The following PCDHGA9 variants were observed in gnomAD, a reference collection of about 807,000 sequenced individuals.
The protein encoded by PCDHGA9 is protocadherin gamma subfamily A, 9.
Under a neutral mutation model 62.5 loss-of-function variants are expected in PCDHGA9, and 37 were observed. The ratio of observed to expected loss-of-function variants is 0.59; its 90% CI spans 0.46 to 0.78. The LOEUF (loss-of-function observed/expected upper bound fraction) is 0.78, where lower values mean the gene tolerates loss of function less well. Among genes scored for constraint, PCDHGA9 ranks in the 30% least tolerant of loss-of-function variants. The pLI, the probability that PCDHGA9 is intolerant of heterozygous loss-of-function variation, is 0.00. For synonymous variants in PCDHGA9, 459 were observed against 484.6 expected, an observed-to-expected ratio of 0.95 and a Z score of 0.69; for missense variants, 1,138 against 1,166.2, an observed-to-expected ratio of 0.98 and a Z score of 0.35.
intron 1 of PCDHGA9, chr5:141,479,339 G>GTA (rs1298553162): frequency 1.3e-5 from 2 of 152,644 alleles, no homozygotes; most frequent in East Asian, 3.8e-4. Context: ...GTGTGCACCT[G>GTA]TAGTTCTTGC....
chr5:141,423,765 G>A (rs775053869), intron 1 of PCDHGA9: 11 of 233,406 alleles, frequency 4.7e-5, no homozygotes, highest in Admixed American at 1.2e-4. Context: ...GGGGGGTGGG[G>A]CGGCATATAT....
intron 1 of PCDHGA9, chr5:141,410,800 T>A: frequency 1.5e-6 from 1 of 678,550 alleles, no homozygotes; most frequent in Non-Finnish European, 2.2e-6. Context: ...TAAGTTGCTC[T>A]ATCTTTTTGT....
At chr5:141,461,354 C>T (rs1189322704) in intron 1 of PCDHGA9, among the ~76,000 whole-genome samples, 2 of 152,054 alleles carry the variant, frequency 1.3e-5, no homozygotes, top group Non-Finnish European at 2.9e-5. Context: ...GGTGGTAGCT[C>T]GTTGTGGTTT....
intron 2 of PCDHGA9, among the ~76,000 whole-genome samples, chr5:141,497,553 T>G (rs2099777684): frequency 6.6e-6 from 1 of 151,326 alleles, no homozygotes; most frequent in Non-Finnish European, 1.5e-5. Flanking sequence ...TTTTTTTTTT[T>G]TTTTTAGACA....
At chr5:141,426,919 C>T (rs1220443930) in intron 1 of PCDHGA9, 1 of 456,620 alleles carries the variant, frequency 2.2e-6, no homozygotes, top group African/African-American at 2.0e-5. Flanking sequence ...GTCCTGGAAG[C>T]AATGGACATG....
intron 1 of PCDHGA9, among the ~76,000 whole-genome samples, chr5:141,425,003 T>C (rs75915888): frequency 0.036 from 5,431 of 152,274 alleles, 181 homozygotes; most frequent in African/African-American, 0.084. Context: ...AGTTTAGTTT[T>C]CTCATTTAGG....
intron 1 of PCDHGA9, among the ~76,000 whole-genome samples, chr5:141,438,587 CATACATATAT>C (rs1422309749): frequency 6.8e-5 from 5 of 73,430 alleles, no homozygotes; most frequent in South Asian, 5.1e-4. Context: ...TACATACATA[CATACATATAT>C]ATATATATAT....
chr5:141,509,882 G>A (rs1374735632), intron 3 of PCDHGA9, among the ~76,000 whole-genome samples: 1 of 152,182 alleles, frequency 6.6e-6, no homozygotes. Context: ...GGTGGTGATG[G>A]TGACTGACTG....
rs747917835 is a variant in PCDHGA9 at position 141,487,659 on chromosome 5, AT to A, written c.2425-7147del. 3.7e-6 allele frequency: 6 copies of A among 1,613,466 alleles called. No homozygotes were observed. Among genetic ancestry groups the A allele is most frequent in the Non-Finnish European group, 5.1e-6 (6 of 1,179,716 alleles). On this transcript the variant is annotated intron_variant, in intron 1 of 3. Coordinates refer to ENST00000573521, the MANE Select transcript of PCDHGA9 (RefSeq NM_018921.3). This position sits in a 1 kb window ranked among gnomAD's most constrained non-coding sequence, Gnocchi z 5.0. ...CAACAAATGCTTGAGGGTTATTCTGATCCAGGCATATGGCTAGGCCATGTCC... is the reference window on the plus strand; with the variant it reads ...CAACAAATGCTTGAGGGTTATTCTGACCAGGCATATGGCTAGGCCATGTCC...
intron 1 of PCDHGA9, chr5:141,428,311 G>A: frequency 3.0e-6 from 2 of 671,726 alleles, no homozygotes; most frequent in Non-Finnish European, 5.3e-6. Context: ...CCTGGTCGTG[G>A]CCTTGGCCTT....
In PCDHGA9 at chr5:141,492,559, C is replaced by A. The variant is rs533830391; in HGVS notation, c.2425-2248C>A. ...GGGCTGGGCCGGGTCGCCTGGGGGG[C>A]GGCCTGAGCGAGGCGCGGGGCCAGG... On this transcript the variant is annotated intron_variant, in intron 1 of 3. Coordinates refer to ENST00000573521, the MANE Select transcript of PCDHGA9 (RefSeq NM_018921.3). 2.6e-5 allele frequency among the ~76,000 whole-genome samples: 4 copies of A among 152,292 alleles called. No individual in the cohort carries two copies. The East Asian group carries it at 7.7e-4, about 29-fold the overall frequency.
At chr5:141,456,215 C>T (rs1465130067) in intron 1 of PCDHGA9, among the ~76,000 whole-genome samples, 2 of 152,048 alleles carry the variant, frequency 1.3e-5, no homozygotes, top group African/African-American at 2.4e-5. Flanking sequence ...CTCCCTGTGG[C>T]GATATCAAAC....
Position 141,404,273 on chromosome 5 carries a change from C to A in PCDHGA9, c.1321C>A (p.Gln441Lys), listed in dbSNP as rs751189949. 4.3e-6 allele frequency: 7 copies of A among 1,613,988 alleles called. No homozygotes were observed. The highest frequency in any genetic ancestry group is 5.9e-6 in the Non-Finnish European group (7 of 1,179,880). Residue 441 changes from glutamine (Q) to lysine (K), a missense_variant, in exon 1 of 4, where the codon CAA (glutamine) becomes AAA (lysine). Coordinates refer to ENST00000573521, the MANE Select transcript of PCDHGA9 (RefSeq NM_018921.3). ...PLSTEIHITL[Q>K]VTDINDNPPA... is the part of the protein sequence containing the mutation. ...GTCCACAGAAATTCACATCACCCTG[C>A]AAGTGACTGACATCAATGATAATCC...
At chr5:141,464,600 C>T (rs970370250) in intron 1 of PCDHGA9, among the ~76,000 whole-genome samples, 24 of 152,118 alleles carry the variant, frequency 1.6e-4, no homozygotes, top group Admixed American at 1.1e-3. Flanking sequence ...CCATAGTCTC[C>T]TTTGCAGAGT....
intron 1 of PCDHGA9, chr5:141,408,014 C>G (rs2095025916): frequency 5.0e-6 from 5 of 1,001,096 alleles, no homozygotes; most frequent in Non-Finnish European, 7.0e-6. Flanking sequence ...CCTGCGCAGC[C>G]AACAACAGAA....
At chr5:141,510,272 T>TAA (rs546154379) in intron 3 of PCDHGA9, among the ~76,000 whole-genome samples, 3,403 of 130,344 alleles carry the variant, frequency 0.026, 48 homozygotes, top group East Asian at 0.043. Context: ...GACTCCATCT[T>TAA]AAAAAAAAAA....
At chr5:141,480,871 C>T (rs1262582761) in intron 1 of PCDHGA9, among the ~76,000 whole-genome samples, 1 of 151,930 alleles carries the variant, frequency 6.6e-6, no homozygotes, top group Non-Finnish European at 1.5e-5. Context: ...ATGGTGAAAC[C>T]CCGTCTCTAC....
intron 1 of PCDHGA9, among the ~76,000 whole-genome samples, chr5:141,494,177 TG>T (rs2099752471): frequency 6.6e-6 from 1 of 152,176 alleles, no homozygotes; most frequent in Non-Finnish European, 1.5e-5. Flanking sequence ...GGGTGAGAAG[TG>T]TCCCGGGACT....
chr5:141,452,148 T>C (rs1294195346), intron 1 of PCDHGA9, among the ~76,000 whole-genome samples: 1 of 152,228 alleles, frequency 6.6e-6, no homozygotes, highest in Non-Finnish European at 1.5e-5. Flanking sequence ...TTTTTTCCAA[T>C]GAGTTATATT....
Sources: gnomAD v4.1 joint callset for allele counts (sites outside exome capture counted in the v4.1 genomes callset) on GRCh38, gnomAD v4.1.1 for gene constraint, Gnocchi (gnomAD v3.1) non-coding constraint, MANE v1.5 for transcripts, NCBI Gene and HGNC (gene_info 2026-07-23, HGNC 2026-07-21) for gene names.